Variants in PTPRK observed in about 807,000 individuals in gnomAD.
PTPRK encodes receptor-type tyrosine-protein phosphatase kappa.
Under a neutral mutation model 178.0 loss-of-function variants are expected in PTPRK, and 75 were observed. That is an observed-to-expected ratio of 0.42 (90% confidence interval 0.35 to 0.51). The LOEUF is 0.51. Among genes scored for constraint, PTPRK ranks in the 20% least tolerant of loss-of-function variants. The pLI, the probability that PTPRK is intolerant of heterozygous loss-of-function variation, is 0.02. For synonymous variants in PTPRK, 637 were observed against 620.6 expected (o/e 1.03, Z -0.39); for missense variants, 1,441 against 1,797.8 (o/e 0.80, Z 3.59).
At chr6:128,328,005 T>A (rs1206513241) in intron 2 of PTPRK, among the ~76,000 whole-genome samples, 1 of 152,174 alleles carries the variant, frequency 6.6e-6, no homozygotes, top group Non-Finnish European at 1.5e-5. Flanking sequence ...GCCTGGGGTA[T>A]GTGTGTGCCA....
At chr6:128,374,588 G>A (rs182398594) in intron 2 of PTPRK, among the ~76,000 whole-genome samples, 330 of 151,990 alleles carry the variant, frequency 2.2e-3, no homozygotes, top group Non-Finnish European at 3.2e-3. Flanking sequence ...AATCCAATCC[G>A]TCAGCAAATT....
intron 5 of PTPRK, among the ~76,000 whole-genome samples, chr6:128,221,999 T>A (rs1016150819): frequency 1.3e-5 from 2 of 152,160 alleles, no homozygotes; most frequent in African/African-American, 4.8e-5. Context: ...TTATACAACC[T>A]TATCTGGGCT....
intron 13 of PTPRK, chr6:128,063,340 T>A (rs575950118): frequency 5.3e-5 from 8 of 152,298 alleles, no homozygotes; most frequent in Middle Eastern, 3.4e-3. Context: ...TAAATTTGTA[T>A]CGAGAGAGCG....
At position 128,447,520 on chromosome 6, in the gene PTPRK, C is replaced by T. The variant is rs150823380; in HGVS notation, c.101-49832G>A. Among the ~76,000 whole-genome samples, 1,095 of 152,070 alleles carry T rather than the reference C, an allele frequency of 7.2e-3. 11 individuals carry two copies. Among genetic ancestry groups the T allele is most frequent in the African/African-American group, 0.025 (1,034 of 41,458 alleles). On this transcript the variant is annotated intron_variant, in intron 1 of 29. Coordinates refer to ENST00000368226, the MANE Select transcript of PTPRK (RefSeq NM_002844.4). The stretch of plus-strand genomic sequence containing the variant: ...TCCACTAAATAATTAGTGGTCAGAC[C>T]CAATAGCTAATGAGTGGTGAGATCT...
chr6:128,057,722 G>A (rs1321459111), intron 13 of PTPRK, among the ~76,000 whole-genome samples: 1 of 152,030 alleles, frequency 6.6e-6, no homozygotes, highest in Non-Finnish European at 1.5e-5. Flanking sequence ...ACTGTAATAA[G>A]TCGTAGCCAT....
intron 1 of PTPRK, among the ~76,000 whole-genome samples, chr6:128,472,423 C>CCG (rs1463472420): frequency 8.2e-6 from 1 of 121,266 alleles, no homozygotes; most frequent in East Asian, 2.2e-4. Context: ...TTTTGACACC[C>CCG]CCCCCCCCTT....
chr6:128,265,718 T>G (rs1209987258), intron 3 of PTPRK, among the ~76,000 whole-genome samples: 1 of 152,178 alleles, frequency 6.6e-6, no homozygotes, highest in Non-Finnish European at 1.5e-5. Flanking sequence ...TTTGAATCTC[T>G]AAGGTGGTAC....
intron 1 of PTPRK, among the ~76,000 whole-genome samples, chr6:128,497,801 A>G (rs1369629576): frequency 5.3e-5 from 8 of 150,318 alleles, no homozygotes; most frequent in African/African-American, 1.7e-4. Flanking sequence ...CCTTTCTATT[A>G]GATGTAGCTA....
intron 6 of PTPRK, among the ~76,000 whole-genome samples, chr6:128,187,381 A>G (rs557098778): frequency 6.6e-6 from 1 of 152,298 alleles, no homozygotes; most frequent in Admixed American, 6.5e-5. Context: ...TGGAAACCTA[A>G]TATGAAAAAA....
intron 13 of PTPRK, chr6:128,062,768 T>C (rs1781076892): frequency 6.5e-6 from 1 of 153,310 alleles, no homozygotes; most frequent in African/African-American, 2.4e-5. Context: ...AAACTGGAAC[T>C]TCTGGGCTTA....
chr6:128,209,735 T>C (rs1429211136), intron 6 of PTPRK, among the ~76,000 whole-genome samples: 1 of 152,168 alleles, frequency 6.6e-6, no homozygotes, highest in Non-Finnish European at 1.5e-5. Context: ...ACAGATGTTA[T>C]GAATGCAGTT....
chr6:128,116,137 A>G (rs549801446), intron 7 of PTPRK, among the ~76,000 whole-genome samples: 1 of 152,088 alleles, frequency 6.6e-6, no homozygotes, highest in East Asian at 1.9e-4. Flanking sequence ...TCTATACTTG[A>G]TGGTCTAATC....
intron 15 of PTPRK, chr6:128,001,253 T>C: frequency 1.4e-6 from 2 of 1,474,844 alleles, no homozygotes; most frequent in Non-Finnish European, 1.8e-6. Context: ...AAAATACGAA[T>C]CAGTATGAAA....
intron 1 of PTPRK, among the ~76,000 whole-genome samples, chr6:128,420,843 A>C (rs111630881): frequency 5.3e-5 from 8 of 152,362 alleles, no homozygotes; most frequent in African/African-American, 1.9e-4. Context: ...TGAACCAAAA[A>C]ACAGTGGCAG....
chr6:128,301,758 C>T (rs973054434), intron 3 of PTPRK, among the ~76,000 whole-genome samples: 7 of 151,994 alleles, frequency 4.6e-5, no homozygotes, highest in African/African-American at 1.2e-4. Context: ...TTTGAGTTTA[C>T]TTTAGAGTTG....
chr6:127,988,483 A>AATAC (rs946859848), intron 21 of PTPRK, among the ~76,000 whole-genome samples: 1 of 151,942 alleles, frequency 6.6e-6, no homozygotes, highest in Non-Finnish European at 1.5e-5. Context: ...TTAAAGTATA[A>AATAC]AGGAACTTTA....
intron 2 of PTPRK, among the ~76,000 whole-genome samples, chr6:128,341,786 C>T (rs545977211): frequency 3.3e-5 from 5 of 152,312 alleles, no homozygotes; most frequent in African/African-American, 1.2e-4. Flanking sequence ...AGAACAGCAA[C>T]GTAGGCCTTA....
At chr6:128,179,440 C>T (rs535199545) in intron 7 of PTPRK, among the ~76,000 whole-genome samples, 10 of 152,042 alleles carry the variant, frequency 6.6e-5, no homozygotes, top group East Asian at 3.9e-4. Context: ...GCTTCCATTA[C>T]TTTTCCTGTG....
rs1407701569 is a variant in PTPRK, at chr6:128,464,674, T to TATATATATATAC, written c.100+55584_100+55585insGTATATATATAT. On this transcript the variant is annotated intron_variant, in intron 1 of 29. Coordinates refer to ENST00000368226, the MANE Select transcript of PTPRK (RefSeq NM_002844.4). ...ATATATATATATATATATATATATATACAACAGATGGTCACACAACAGCTC... is the reference window on the plus strand; with the variant it reads ...ATATATATATATATATATATATATATATATATATATACACAACAGATGGTCACACAACAGCTC... Among the ~76,000 whole-genome samples the TATATATATATAC allele has an allele frequency of 7.1e-4, 88 of 124,740 alleles. 1 individual carries two copies. Among genetic ancestry groups the TATATATATATAC allele is most frequent in the East Asian group, 2.2e-3 (10 of 4,638 alleles). 81.8% of individuals were successfully genotyped at this position (124,740 alleles called of 152,430 possible).
Sources: gnomAD v4.1 joint callset for allele counts (sites outside exome capture counted in the v4.1 genomes callset) on GRCh38, gnomAD v4.1.1 for gene constraint, MANE v1.5 for transcripts, NCBI Gene and HGNC (gene_info 2026-07-23, HGNC 2026-07-21) for gene names.